Variants in LINGO2 observed in about 807,000 individuals in gnomAD.
LINGO2 encodes the protein leucine-rich repeat and immunoglobulin-like domain-containing nogo receptor-interacting protein 2.
LINGO2 carries 14 observed loss-of-function variants against 30.6 expected under a neutral mutation model. The ratio of observed to expected loss-of-function variants is 0.46; its 90% confidence interval spans 0.30 to 0.72. LINGO2 has a LOEUF of 0.72. Ranked by LOEUF, LINGO2 falls within the 30% of genes least tolerant of loss-of-function variation. The pLI is 0.07. For synonymous variants in LINGO2, 317 were observed against 288.5 expected (o/e 1.10, Z -1.00); for missense variants, 729 against 751.7 (o/e 0.97, Z 0.35).
intron 4 of LINGO2, among the ~76,000 whole-genome samples, chr9:28,263,099 G>T (rs1822623222): frequency 6.6e-6 from 1 of 151,870 alleles, no homozygotes; most frequent in Non-Finnish European, 1.5e-5. Flanking sequence ...CCTCTTCCTG[G>T]TTATTGGCAG....
chr9:28,874,461 G>A, the LINGO2 span, among the ~76,000 whole-genome samples: 1 of 151,938 alleles, frequency 6.6e-6, no homozygotes, highest in Admixed American at 6.6e-5. Context: ...TGTATTACAT[G>A]TATTATTTTT....
intron 4 of LINGO2, among the ~76,000 whole-genome samples, chr9:28,211,662 G>A (rs1587235315): frequency 6.6e-6 from 1 of 151,506 alleles, no homozygotes; most frequent in Admixed American, 6.6e-5. Flanking sequence ...GAAGAGACAG[G>A]CAAGGCTTGT....
At chr9:28,062,260 G>T (rs1381252226) in intron 4 of LINGO2, among the ~76,000 whole-genome samples, 1 of 151,948 alleles carries the variant, frequency 6.6e-6, no homozygotes, top group East Asian at 1.9e-4. Flanking sequence ...CTTCTTTTTG[G>T]AAGTGTGTGT....
the LINGO2 span, among the ~76,000 whole-genome samples, chr9:28,865,696 A>G: frequency 6.6e-6 from 1 of 152,148 alleles, no homozygotes; most frequent in Non-Finnish European, 1.5e-5. Context: ...AGACAGGAGA[A>G]TGTCTTTAAC....
chr9:28,700,860 G>T, the LINGO2 span, among the ~76,000 whole-genome samples: 1 of 151,930 alleles, frequency 6.6e-6, no homozygotes, highest in South Asian at 2.1e-4. Flanking sequence ...GGTATGTAGT[G>T]GTAACTCCTT....
the LINGO2 span, among the ~76,000 whole-genome samples, chr9:29,026,252 C>T: frequency 6.6e-6 from 1 of 151,940 alleles, no homozygotes; most frequent in African/African-American, 2.4e-5. Flanking sequence ...CAGTCTCAAA[C>T]TCCTGAGCTC....
At chr9:28,820,198 A>G in the LINGO2 span, among the ~76,000 whole-genome samples, 27 of 151,770 alleles carry the variant, frequency 1.8e-4, no homozygotes, top group Non-Finnish European at 3.1e-4. Flanking sequence ...ATTATATGGT[A>G]CTGGAATGAG....
At chr9:28,061,077 C>T (rs554684905) in intron 4 of LINGO2, among the ~76,000 whole-genome samples, 1 of 151,834 alleles carries the variant, frequency 6.6e-6, no homozygotes, top group African/African-American at 2.4e-5. Context: ...AATCGTCATA[C>T]TCATAATTAT....
intron 4 of LINGO2, among the ~76,000 whole-genome samples, chr9:28,277,935 CCAAA>C (rs1178379933): frequency 6.6e-6 from 1 of 150,628 alleles, no homozygotes; most frequent in African/African-American, 2.4e-5. Flanking sequence ...GGCCTCTTAA[CCAAA>C]CAGTTAGCCA....
intron 4 of LINGO2, among the ~76,000 whole-genome samples, chr9:28,141,837 G>A (rs113374380): frequency 4.6e-5 from 7 of 152,136 alleles, no homozygotes; most frequent in Admixed American, 6.5e-5. Context: ...ACTTGAACCC[G>A]GGAAGCGGAG....
chr9:28,377,716 C>T (rs934363739), intron 2 of LINGO2, among the ~76,000 whole-genome samples: 5 of 152,098 alleles, frequency 3.3e-5, no homozygotes, highest in Admixed American at 6.6e-5. Context: ...CAATATGATA[C>T]TTTTAATAAT....
the LINGO2 span, among the ~76,000 whole-genome samples, chr9:28,995,110 A>C: frequency 6.6e-6 from 1 of 152,116 alleles, no homozygotes; most frequent in Admixed American, 6.5e-5. Flanking sequence ...AAATTTTGGC[A>C]ACCTACTCAT....
At chr9:28,631,328 G>C (rs1826928756) in intron 1 of LINGO2, among the ~76,000 whole-genome samples, 1 of 145,940 alleles carries the variant, frequency 6.9e-6, no homozygotes, top group Non-Finnish European at 1.5e-5. Context: ...CCCATGACAG[G>C]CTCCGGTGTG....
chr9:28,501,518 A>G (rs1009467099), intron 1 of LINGO2, among the ~76,000 whole-genome samples: 1 of 152,198 alleles, frequency 6.6e-6, no homozygotes, highest in Non-Finnish European at 1.5e-5. Flanking sequence ...AAATAGATCT[A>G]AAGTGCCAAA....
chr9:28,147,727 C>T lies in LINGO2; in HGVS notation c.-86-135322G>A. Among the ~76,000 whole-genome samples, 1 of 152,150 alleles carries T rather than the reference C, an allele frequency of 6.6e-6. No homozygotes were observed. Among genetic ancestry groups the T allele is most frequent in the Non-Finnish European group, 1.5e-5 (1 of 68,012 alleles). On this transcript the variant is annotated intron_variant, in intron 4 of 5. Transcript: ENST00000379992. The surrounding 1 kb of genome is among the most constrained non-coding windows in gnomAD (Gnocchi z 4.7). Reference sequence around the variant, plus strand: ...GCCCGTCCAGGGCCACACAACTGCCCCCAGGAGCAGGACGTCCCTGAGGCT... The same window carrying T: ...GCCCGTCCAGGGCCACACAACTGCCTCCAGGAGCAGGACGTCCCTGAGGCT...
intron 2 of LINGO2, among the ~76,000 whole-genome samples, chr9:28,462,469 T>C (rs1825121712): frequency 6.9e-6 from 1 of 144,454 alleles, no homozygotes; most frequent in Admixed American, 6.9e-5. Context: ...TGCAATGACA[T>C]CTCACTTTTG....
At chr9:28,555,939 T>G (rs957286604) in intron 1 of LINGO2, among the ~76,000 whole-genome samples, 1 of 152,028 alleles carries the variant, frequency 6.6e-6, no homozygotes, top group African/African-American at 2.4e-5. Context: ...TTGACAAAAT[T>G]CAACAGCCCT....
chr9:28,578,712 T>C (rs1824112273), intron 1 of LINGO2, among the ~76,000 whole-genome samples: 1 of 152,176 alleles, frequency 6.6e-6, no homozygotes, highest in African/African-American at 2.4e-5. Context: ...CGTACAAAGA[T>C]CAAGCTTTGC....
chr9:28,944,354 CTCTG>C, the LINGO2 span, among the ~76,000 whole-genome samples: 10 of 151,362 alleles, frequency 6.6e-5, no homozygotes, highest in East Asian at 2.0e-4. Context: ...ATACCTCTAT[CTCTG>C]TCTGTCTGTC....
Sources: allele counts gnomAD v4.1 joint callset (sites outside exome capture counted in the v4.1 genomes callset), GRCh38; gene constraint gnomAD v4.1.1; non-coding constraint Gnocchi (gnomAD v3.1); transcripts MANE v1.5; gene names NCBI Gene and HGNC (gene_info 2026-07-23, HGNC 2026-07-21).